Variants in UQCC1 observed in about 807,000 individuals in gnomAD.
The protein encoded by UQCC1 is bFGF-repressed Zic-binding protein.
In UQCC1, 38 loss-of-function variants were observed where a neutral mutation model predicts 48.0. The ratio of observed to expected loss-of-function variants is 0.79; its 90% CI spans 0.61 to 1.04. The LOEUF is 1.04. Ranked by LOEUF, UQCC1 falls within the 50% of genes least tolerant of loss-of-function variation. UQCC1 has a pLI of 0.00. For synonymous variants in UQCC1, 111 were observed against 129.2 expected (o/e 0.86, Z 0.95); for missense variants, 368 against 381.8 (o/e 0.96, Z 0.30).
chr20:35,314,846 T>C, intron 7 of UQCC1, 81 bp from the exon 8 acceptor site: 7 of 1,083,444 alleles, frequency 6.5e-6, no homozygotes, highest in Non-Finnish European at 6.7e-6. Flanking sequence ...GACTCTTAGC[T>C]GTCACAGACT....
chr20:35,384,977 A>G (rs1388493360), intron 2 of UQCC1, among the ~76,000 whole-genome samples: 1 of 151,078 alleles, frequency 6.6e-6, no homozygotes, highest in Non-Finnish European at 1.5e-5. Context: ...AAAAAAAAAA[A>G]AAAAAAAAAA....
intron 7 of UQCC1, among the ~76,000 whole-genome samples, chr20:35,316,153 A>C (rs2061057111): frequency 6.6e-6 from 1 of 152,244 alleles, no homozygotes; most frequent in South Asian, 2.1e-4. Flanking sequence ...GACTCTGACT[A>C]TCTGAACTGA....
chr20:35,393,527 C>T (rs1436553121), intron 2 of UQCC1, among the ~76,000 whole-genome samples: 1 of 148,540 alleles, frequency 6.7e-6, no homozygotes, highest in Non-Finnish European at 1.5e-5. Context: ...CACACACACA[C>T]ACACACAGGC....
intron 2 of UQCC1, chr20:35,392,378 C>A (rs2062024045): frequency 1.1e-6 from 1 of 913,826 alleles, no homozygotes; most frequent in Non-Finnish European, 1.6e-6. Context: ...ATGAGATAAA[C>A]CACCCTCAGT....
intron 3 of UQCC1, among the ~76,000 whole-genome samples, chr20:35,382,839 T>A (rs533534725): frequency 6.6e-6 from 1 of 152,208 alleles, no homozygotes; most frequent in South Asian, 2.1e-4. Context: ...CATCTTATCA[T>A]TCAGTGAAAA....
intron 7 of UQCC1, among the ~76,000 whole-genome samples, chr20:35,342,287 A>G (rs2061389311): frequency 6.6e-6 from 1 of 152,236 alleles, no homozygotes; most frequent in Non-Finnish European, 1.5e-5. Flanking sequence ...GTGAGCCACA[A>G]GGTGGAGATG....
chr20:35,320,836 G>C (rs1375689317), intron 7 of UQCC1, among the ~76,000 whole-genome samples: 2 of 152,192 alleles, frequency 1.3e-5, no homozygotes, highest in Non-Finnish European at 2.9e-5. Context: ...AGAATTTGCT[G>C]GAATGAATGA....
intron 7 of UQCC1, among the ~76,000 whole-genome samples, chr20:35,343,918 T>C (rs1268636484): frequency 6.6e-6 from 1 of 152,088 alleles, no homozygotes; most frequent in African/African-American, 2.4e-5. Context: ...GAAACGCTGA[T>C]CTAAAACACT....
chr20:35,398,070 T>C (rs935935284), intron 1 of UQCC1, among the ~76,000 whole-genome samples: 1 of 152,200 alleles, frequency 6.6e-6, no homozygotes, highest in Non-Finnish European at 1.5e-5. Flanking sequence ...AACCTCCCAA[T>C]GTCACATAGT....
Position 35,303,538 on chromosome 20 carries a change from T to C in UQCC1, c.*397A>G, listed in dbSNP as rs1373518338. 5.6e-6 allele frequency: 1 copy of C among 178,802 alleles called. No individual in the cohort carries two copies. Among genetic ancestry groups the C allele is most frequent in the Non-Finnish European group, 1.2e-5 (1 of 83,208 alleles). 11.1% of individuals were successfully genotyped at this position (178,802 alleles called of 1,614,324 possible). ...GACAACGCGTGGTCACCGACCGGAC[T>C]CGGCAGCATTACAATCTGCTCCTAG... On this transcript the variant is annotated 3_prime_UTR_variant, in exon 10 of 10. Coordinates refer to ENST00000374385, the MANE Select transcript of UQCC1 (RefSeq NM_018244.5).
At chr20:35,378,779 C>G (rs2061832920) in intron 4 of UQCC1, among the ~76,000 whole-genome samples, 1 of 152,226 alleles carries the variant, frequency 6.6e-6, no homozygotes, top group Non-Finnish European at 1.5e-5. Context: ...GGCTACCTGT[C>G]CCACCTGAGG....
At chr20:35,322,102 A>C (rs2061137775) in intron 7 of UQCC1, among the ~76,000 whole-genome samples, 1 of 152,194 alleles carries the variant, frequency 6.6e-6, no homozygotes, top group South Asian at 2.1e-4. Context: ...TTATAGCTAT[A>C]ATCTACTTTG....
At chr20:35,361,072 A>C (rs559345105) in intron 6 of UQCC1, among the ~76,000 whole-genome samples, 13 of 152,246 alleles carry the variant, frequency 8.5e-5, no homozygotes, top group African/African-American at 3.1e-4. Flanking sequence ...TTTAAACTAC[A>C]TTCTGAGTTT....
At chr20:35,382,270 T>C (rs902332618) in intron 3 of UQCC1, among the ~76,000 whole-genome samples, 1 of 151,198 alleles carries the variant, frequency 6.6e-6, no homozygotes, top group Non-Finnish European at 1.5e-5. Flanking sequence ...TCACGCCAAG[T>C]CAATTTTTTA....
intron 6 of UQCC1, among the ~76,000 whole-genome samples, chr20:35,358,896 T>G (rs1251990176): frequency 6.6e-6 from 1 of 152,118 alleles, no homozygotes; most frequent in African/African-American, 2.4e-5. Flanking sequence ...ATTATTTAGG[T>G]TTTAAGCTTC....
chr20:35,309,980 C>G (rs1027453772), intron 8 of UQCC1, among the ~76,000 whole-genome samples: 1 of 152,232 alleles, frequency 6.6e-6, no homozygotes, highest in Non-Finnish European at 1.5e-5. Context: ...CTCAGCTACA[C>G]TCTACATGGC....
At chr20:35,370,225 C>G (rs910342984) in intron 5 of UQCC1, among the ~76,000 whole-genome samples, 6 of 151,086 alleles carry the variant, frequency 4.0e-5, no homozygotes, top group African/African-American at 1.2e-4. Flanking sequence ...ATACTGCTTT[C>G]TCTTGTTTCT....
At chr20:35,355,674 C>T (rs181221034) in intron 6 of UQCC1, among the ~76,000 whole-genome samples, 1 of 152,288 alleles carries the variant, frequency 6.6e-6, no homozygotes, top group African/African-American at 2.4e-5. Flanking sequence ...AAAGGTAATA[C>T]ATGTACATAG....
rs184448159 is a variant in UQCC1 at position 35,400,479 on chromosome 20, A to G, written c.25-6283T>C. 2.7e-5 allele frequency among the ~76,000 whole-genome samples: 4 copies of G among 150,784 alleles called. No homozygotes were observed. In the East Asian group the frequency reaches 7.8e-4, roughly 29 times the overall value. On this transcript the variant is annotated intron_variant, in intron 1 of 9. Transcript: ENST00000374385. ...CATTTTGCCTTTCCAACACTTCAAAACCAAAAAAAAAATTTTTTTCTTTTT... is the reference window on the plus strand; with the variant it reads ...CATTTTGCCTTTCCAACACTTCAAAGCCAAAAAAAAAATTTTTTTCTTTTT...
Sources: gnomAD v4.1 joint callset for allele counts (sites outside exome capture counted in the v4.1 genomes callset) on GRCh38, gnomAD v4.1.1 for gene constraint, MANE v1.5 for transcripts, NCBI Gene and HGNC (gene_info 2026-07-23, HGNC 2026-07-21) for gene names.